UTP20: variants seen among roughly 807,000 people sequenced by gnomAD.
UTP20 encodes UTP20 small subunit processome component, also known as small subunit processome component 20 homolog.
A neutral mutation model predicts 329.5 loss-of-function variants in UTP20; 164 were observed. That is an observed-to-expected ratio of 0.50 (90% CI 0.44 to 0.57). UTP20 has a LOEUF of 0.57. Among genes scored for constraint, UTP20 ranks in the 20% least tolerant of loss-of-function variants. The pLI is 0.00. For missense variants in UTP20, 3,055 were observed against 3,284.2 expected (o/e 0.93, Z 1.71); for synonymous variants, 1,151 against 1,159.3 (o/e 0.99, Z 0.14).
At chr12:101,349,489 G>C (rs951547500) in intron 38 of UTP20, among the ~76,000 whole-genome samples, 1 of 151,308 alleles carries the variant, frequency 6.6e-6, no homozygotes, top group African/African-American at 2.4e-5. Flanking sequence ...TGTCACCCAG[G>C]CTGCAGTGGC....
At chr12:101,339,367 G>A (rs988045636) in intron 31 of UTP20, among the ~76,000 whole-genome samples, 6 of 152,032 alleles carry the variant, frequency 3.9e-5, no homozygotes, top group African/African-American at 7.2e-5. Flanking sequence ...TGTTTTTCAG[G>A]TGTTGGAATC....
At chr12:101,314,387 A>G (rs1872894984) in intron 21 of UTP20, among the ~76,000 whole-genome samples, 1 of 152,188 alleles carries the variant, frequency 6.6e-6, no homozygotes, top group Admixed American at 6.5e-5. Flanking sequence ...GGCTGGGTGC[A>G]GTGGCTCATG....
intron 57 of UTP20, among the ~76,000 whole-genome samples, chr12:101,379,938 G>A (rs920617561): frequency 6.6e-6 from 1 of 151,980 alleles, no homozygotes; most frequent in African/African-American, 2.4e-5. Context: ...TTCTGCCTCA[G>A]CCTCCCGGGT....
chr12:101,295,662 A>G lies in UTP20; in HGVS notation c.1430+4A>G. 6.3e-7 allele frequency: 1 copy of G among 1,590,672 alleles called. No homozygotes were observed. The highest frequency in any genetic ancestry group is 8.6e-7 in the Non-Finnish European group (1 of 1,165,800). ...TTTTCTCACCGCAGATGGTGGGGTG[A>G]GTTCTAACTTTTTATTCCTGTAATG... On this transcript the variant is annotated splice_donor_region_variant and intron_variant, in intron 12 of 61. Transcript: ENST00000261637.
chr12:101,324,970 TTTTGTGTTA>T (rs1868505918), intron 25 of UTP20, among the ~76,000 whole-genome samples: 1 of 152,204 alleles, frequency 6.6e-6, no homozygotes, highest in Non-Finnish European at 1.5e-5. Context: ...AGCTATTGAT[TTTTGTGTTA>T]TTTAGCCATC....
rs751335167 is a variant in UTP20 at position 101,353,103 on chromosome 12, A to T, written c.5081A>T (p.Gln1694Leu). ...TTTGACCACAAAACTCTTGAAGAAC[A>T]AATGGGAAAAATTGAGAATGAAGAA... Reference protein sequence around the residue: ...FHFDHKTLEEQMGKIENEENA... With the variant: ...FHFDHKTLEELMGKIENEENA... The change falls in exon 40 of 62, where the codon CAA becomes CTA. Residue 1694 changes from glutamine to leucine, a missense_variant. By Grantham distance (113) the Gln-to-Leu change is moderately radical. Coordinates refer to ENST00000261637, the MANE Select transcript of UTP20 (RefSeq NM_014503.3). The T allele has an allele frequency of 6.3e-7, 1 of 1,599,132 alleles. No individual in the cohort carries two copies. The highest frequency in any genetic ancestry group is 2.2e-5 in the East Asian group (1 of 44,568).
intron 20 of UTP20, 79 bp downstream of exon 20, chr12:101,311,877 G>A (rs1872804427): frequency 5.8e-6 from 9 of 1,557,616 alleles, no homozygotes; most frequent in Admixed American, 2.0e-5. Flanking sequence ...AATTACTCAC[G>A]AAATTGGAAA....
intron 21 of UTP20, among the ~76,000 whole-genome samples, chr12:101,314,342 T>C (rs1872892972): frequency 6.6e-6 from 1 of 152,112 alleles, no homozygotes; most frequent in Non-Finnish European, 1.5e-5. Context: ...TTTTGATTAA[T>C]CTGATAGGGA....
At chr12:101,328,140 A>G (rs964028571) in intron 26 of UTP20, among the ~76,000 whole-genome samples, 1 of 152,128 alleles carries the variant, frequency 6.6e-6, no homozygotes. Context: ...TATTTTTTCT[A>G]TGATAATAGG....
intron 2 of UTP20, among the ~76,000 whole-genome samples, chr12:101,282,483 G>A (rs1285826725): frequency 6.6e-6 from 1 of 151,946 alleles, no homozygotes; most frequent in Non-Finnish European, 1.5e-5. Flanking sequence ...TGTATTCATG[G>A]TGACTGGGAT....
chr12:101,295,348 A>G (rs1336956004), intron 11 of UTP20, 132 bp from the exon 12 acceptor site: 85 of 785,310 alleles, frequency 1.1e-4, no homozygotes, highest in Non-Finnish European at 1.4e-4. Context: ...TTTAGTTTCC[A>G]TTGTTCCTAT....
chr12:101,345,577 A>G lies in UTP20; in HGVS notation c.4629A>G (p.Thr1543=), dbSNP rs2120946914. ...QTESIQQDYT[T]ILSCLIQTFP... ...AGAGTATTCAGCAGGATTATACCAC[A>G]ATACTTTCCTGTTTAATTCAAACCT... Residue 1543 remains threonine, a synonymous_variant, in exon 37 of 62, where the codon ACA becomes ACG. Coordinates refer to ENST00000261637, the MANE Select transcript of UTP20 (RefSeq NM_014503.3). 8 of 1,600,308 alleles carry G rather than the reference A, an allele frequency of 5.0e-6. No homozygotes were observed. The highest frequency in any genetic ancestry group is 6.8e-6 in the Non-Finnish European group (8 of 1,169,320).
At chr12:101,331,980 A>G (rs879263899) in intron 27 of UTP20, among the ~76,000 whole-genome samples, 1 of 151,700 alleles carries the variant, frequency 6.6e-6, no homozygotes, top group Non-Finnish European at 1.5e-5. Context: ...ATTCTTTAAT[A>G]CCCAGTAGAA....
At chr12:101,299,226 G>C (rs1872450877) in intron 12 of UTP20, among the ~76,000 whole-genome samples, 1 of 152,188 alleles carries the variant, frequency 6.6e-6, no homozygotes, top group East Asian at 1.9e-4. Flanking sequence ...GATCAAAGCA[G>C]CAGGAGAAAA....
intron 25 of UTP20, among the ~76,000 whole-genome samples, chr12:101,326,378 C>G (rs1459392651): frequency 6.6e-6 from 1 of 152,134 alleles, no homozygotes; most frequent in Non-Finnish European, 1.5e-5. Flanking sequence ...TTCCCTCTTT[C>G]TCTCTGCTAT....
chr12:101,361,001 G>A (rs1413112710), intron 43 of UTP20, among the ~76,000 whole-genome samples: 1 of 152,166 alleles, frequency 6.6e-6, no homozygotes, highest in Non-Finnish European at 1.5e-5. Context: ...TGAGAGGCAG[G>A]ATAACCTGTT....
chr12:101,328,373 C>A (rs1488171404), intron 26 of UTP20, among the ~76,000 whole-genome samples: 1 of 152,164 alleles, frequency 6.6e-6, no homozygotes, highest in Admixed American at 6.5e-5. Flanking sequence ...CAATTCATAT[C>A]TTTTCAGTAA....
chr12:101,300,719 C>T (rs1401859293), intron 14 of UTP20, among the ~76,000 whole-genome samples: 2 of 152,104 alleles, frequency 1.3e-5, no homozygotes, highest in East Asian at 1.9e-4. Flanking sequence ...TTAAAAATCA[C>T]GTGTATATAG....
intron 12 of UTP20, among the ~76,000 whole-genome samples, chr12:101,298,489 C>A (rs1434404432): frequency 6.6e-6 from 1 of 152,034 alleles, no homozygotes; most frequent in Non-Finnish European, 1.5e-5. Flanking sequence ...GAAAGAAAAC[C>A]TCTGTGGGTA....
Sources: gnomAD v4.1 joint callset for allele counts (sites outside exome capture counted in the v4.1 genomes callset) on GRCh38, gnomAD v4.1.1 for gene constraint, MANE v1.5 for transcripts, NCBI Gene and HGNC (gene_info 2026-07-23, HGNC 2026-07-21) for gene names.